EPHB2: variants seen among roughly 807,000 people sequenced by gnomAD.
EPHB2 encodes EPH receptor B2.
Under a neutral mutation model 96.4 loss-of-function variants are expected in EPHB2, and 18 were observed. The ratio of observed to expected loss-of-function variants is 0.19; its 90% CI spans 0.13 to 0.28. EPHB2 has a LOEUF of 0.28. EPHB2 is among the 10% of genes least tolerant of loss of function. EPHB2 has a pLI of 1.00. For missense variants in EPHB2, 989 were observed against 1,355.4 expected (o/e 0.73, Z 4.25); for synonymous variants, 506 against 534.1 (o/e 0.95, Z 0.72).
At chr1:22,767,850 A>G (rs187783157) in intron 1 of EPHB2, among the ~76,000 whole-genome samples, 33 of 152,342 alleles carry the variant, frequency 2.2e-4, no homozygotes, top group African/African-American at 7.7e-4. Flanking sequence ...GTGGGAAAGC[A>G]ATGGTCACTA....
Position 22,790,824 on chromosome 1 carries a change from G to A in EPHB2, c.811+5748G>A, listed in dbSNP as rs1644680426. ...GGCTGCTAGCCAGCTCGGGGTGGTTGCACGCACATGTTGATTCGCTGGCTC... is the reference window on the plus strand; with the variant it reads ...GGCTGCTAGCCAGCTCGGGGTGGTTACACGCACATGTTGATTCGCTGGCTC... On this transcript the variant is annotated intron_variant, in intron 3 of 15. Transcript: ENST00000374630. This position sits in a 1 kb window ranked among gnomAD's most constrained non-coding sequence, Gnocchi z 4.0. Among the ~76,000 whole-genome samples, 1 of 152,228 alleles carries A rather than the reference G, an allele frequency of 6.6e-6. No individual in the cohort carries two copies. Among genetic ancestry groups the A allele is most frequent in the Non-Finnish European group, 1.5e-5 (1 of 68,044 alleles).
chr1:22,760,069 T>A (rs1257449335), intron 1 of EPHB2, among the ~76,000 whole-genome samples: 2 of 152,198 alleles, frequency 1.3e-5, no homozygotes, highest in African/African-American at 4.8e-5. Flanking sequence ...GCACGTCAGA[T>A]GGATAACACA....
chr1:22,781,172 T>G (rs1305356529), intron 1 of EPHB2, among the ~76,000 whole-genome samples: 1 of 151,568 alleles, frequency 6.6e-6, no homozygotes, highest in Non-Finnish European at 1.5e-5. Context: ...TACAAAAAAT[T>G]AGCCGGGCGT....
In EPHB2 at chr1:22,913,536, C is replaced by T. The variant is rs1030955500; in HGVS notation, c.2927C>T (p.Ala976Val). 26 of 1,614,050 alleles carry T rather than the reference C, an allele frequency of 1.6e-5. No homozygotes were observed. The highest frequency in any genetic ancestry group is 1.6e-4 in the Middle Eastern group (1 of 6,084). ...KILNSIQVMRAQMNQIQSVEV is the reference protein window; with the variant it reads ...KILNSIQVMRVQMNQIQSVEV ...CTGAACAGTATCCAGGTGATGCGGGCGCAGATGAACCAGATTCAGTCTGTG... is the reference window on the plus strand; with the variant it reads ...CTGAACAGTATCCAGGTGATGCGGGTGCAGATGAACCAGATTCAGTCTGTG... Residue 976 changes from alanine to valine, a missense_variant, in exon 16 of 16, where the codon GCG (alanine) becomes GTG (valine). Transcript: ENST00000374630. The surrounding 1 kb of genome is among the most constrained non-coding windows in gnomAD (Gnocchi z 4.1).
intron 13 of EPHB2, among the ~76,000 whole-genome samples, chr1:22,909,824 G>T (rs1461223482): frequency 6.6e-6 from 1 of 152,204 alleles, no homozygotes; most frequent in Non-Finnish European, 1.5e-5. Flanking sequence ...GGTGAATCTG[G>T]CCATGGTGGC....
intron 9 of EPHB2, among the ~76,000 whole-genome samples, chr1:22,902,544 T>G (rs1490799673): frequency 6.6e-6 from 1 of 152,220 alleles, no homozygotes; most frequent in Admixed American, 6.5e-5. Context: ...AGGAGCAGAT[T>G]CATAATTTTC....
At chr1:22,814,759 C>T (rs1022628752) in intron 3 of EPHB2, among the ~76,000 whole-genome samples, 3 of 152,302 alleles carry the variant, frequency 2.0e-5, no homozygotes, top group Admixed American at 1.3e-4. Flanking sequence ...GCATGGGCTC[C>T]GAGCCCAGTG....
chr1:22,883,746 C>A (rs1639126230), intron 6 of EPHB2, among the ~76,000 whole-genome samples: 1 of 152,190 alleles, frequency 6.6e-6, no homozygotes. Context: ...CTTACCCAGC[C>A]TTTGCCGGCC....
At chr1:22,758,424 G>A (rs781090716) in intron 1 of EPHB2, among the ~76,000 whole-genome samples, 17 of 152,126 alleles carry the variant, frequency 1.1e-4, no homozygotes, top group South Asian at 6.2e-4. Context: ...ATGGCAGCCC[G>A]TCGTAAGGGC....
chr1:22,736,758 G>T (rs1292511153), intron 1 of EPHB2, among the ~76,000 whole-genome samples: 3 of 152,240 alleles, frequency 2.0e-5, no homozygotes, highest in African/African-American at 2.4e-5. Context: ...TGTCAGAGAG[G>T]AGCCTTTTTT....
At chr1:22,776,024 G>T (rs1157318685) in intron 1 of EPHB2, among the ~76,000 whole-genome samples, 2 of 152,164 alleles carry the variant, frequency 1.3e-5, no homozygotes, top group Non-Finnish European at 2.9e-5. Context: ...TGGCAAGGAT[G>T]TGGGGAGACA....
chr1:22,831,224 G>A (rs1297040371), intron 3 of EPHB2, among the ~76,000 whole-genome samples: 2 of 152,172 alleles, frequency 1.3e-5, no homozygotes, highest in Non-Finnish European at 2.9e-5. Flanking sequence ...GATGGGCATT[G>A]AGTGAGGTGA....
intron 3 of EPHB2, among the ~76,000 whole-genome samples, chr1:22,808,713 A>G (rs1169082062): frequency 1.3e-5 from 2 of 152,256 alleles, no homozygotes; most frequent in African/African-American, 4.8e-5. Context: ...TAATTCCCGT[A>G]ACACCCTTAT....
At chr1:22,712,313 G>C (rs560995821) in intron 1 of EPHB2, among the ~76,000 whole-genome samples, 1 of 152,332 alleles carries the variant, frequency 6.6e-6, no homozygotes, top group East Asian at 1.9e-4. Context: ...TTTGAAACCA[G>C]CACTCACTTA....
At chr1:22,870,327 A>G (rs1168522891) in intron 5 of EPHB2, among the ~76,000 whole-genome samples, 1 of 151,986 alleles carries the variant, frequency 6.6e-6, no homozygotes, top group East Asian at 1.9e-4. Context: ...CCGAGGAAGG[A>G]GGCTGGGCTG....
chr1:22,852,898 G>A (rs74503980), intron 3 of EPHB2, among the ~76,000 whole-genome samples: 3,779 of 152,322 alleles, frequency 0.025, 136 homozygotes, highest in African/African-American at 0.085. Context: ...GAGGAGGGGA[G>A]ATGGGAGGTG....
At chr1:22,780,120 C>T (rs754079309) in intron 1 of EPHB2, among the ~76,000 whole-genome samples, 1 of 152,286 alleles carries the variant, frequency 6.6e-6, no homozygotes, top group East Asian at 1.9e-4. Flanking sequence ...GTTGAATGAA[C>T]GCTTGAAAGG....
In EPHB2 at chr1:22,853,410, C is replaced by T. The variant is rs115781930; in HGVS notation, c.812-9627C>T. Among the ~76,000 whole-genome samples the T allele has an allele frequency of 8.8e-3, 1,336 of 152,326 alleles. 19 individuals are homozygous for T. Among genetic ancestry groups the T allele is most frequent in the African/African-American group, 0.03 (1,250 of 41,566 alleles). ...TGGTGCCAGACCTCGGGGTTACCCACCATCACTGTCACTGTGCTCACAGCC... is the reference window on the plus strand; with the variant it reads ...TGGTGCCAGACCTCGGGGTTACCCATCATCACTGTCACTGTGCTCACAGCC... On this transcript the variant is annotated intron_variant, in intron 3 of 15. Transcript: ENST00000374630.
chr1:22,859,418 C>G (rs964071133), intron 3 of EPHB2, among the ~76,000 whole-genome samples: 2 of 152,018 alleles, frequency 1.3e-5, no homozygotes, highest in Non-Finnish European at 2.9e-5. Flanking sequence ...CTTCCCATGT[C>G]TGCTTGGGGA....
Sources: allele counts gnomAD v4.1 joint callset (sites outside exome capture counted in the v4.1 genomes callset), GRCh38; gene constraint gnomAD v4.1.1; non-coding constraint Gnocchi (gnomAD v3.1); transcripts MANE v1.5; gene names NCBI Gene and HGNC (gene_info 2026-07-23, HGNC 2026-07-21).